The following RGS7BP variants were observed in gnomAD, a reference collection of about 807,000 sequenced individuals.
The protein encoded by RGS7BP is regulator of G protein signaling 7-binding protein.
In RGS7BP, 9 loss-of-function variants were observed where a neutral mutation model predicts 31.3. The observed-to-expected ratio is 0.29, with a 90% CI of 0.17 to 0.50. The LOEUF (loss-of-function observed/expected upper bound fraction) is 0.50. RGS7BP is among the 20% of genes least tolerant of loss of function. RGS7BP has a pLI of 0.98. For missense variants in RGS7BP, 274 were observed against 322.0 expected (o/e 0.85, Z 1.14); for synonymous variants, 115 against 120.1 (o/e 0.96, Z 0.28).
At chr5:64,523,775 C>A (rs1749167049) in intron 2 of RGS7BP, among the ~76,000 whole-genome samples, 1 of 152,210 alleles carries the variant, frequency 6.6e-6, no homozygotes, top group African/African-American at 2.4e-5. Flanking sequence ...TTACACCTTT[C>A]TGGAATTGAA....
At chr5:64,507,933 G>A (rs1287624504) in intron 2 of RGS7BP, 56 bp downstream of exon 2, 2 of 1,421,906 alleles carry the variant, frequency 1.4e-6, no homozygotes. Flanking sequence ...GATGCTGACA[G>A]AATTTTATGG....
At chr5:64,526,092 G>T (rs1203461302) in intron 2 of RGS7BP, among the ~76,000 whole-genome samples, 1 of 152,170 alleles carries the variant, frequency 6.6e-6, no homozygotes. Context: ...AGGGAAGAAG[G>T]CTTTATTATA....
chr5:64,546,823 A>C (rs1363636239), intron 2 of RGS7BP, among the ~76,000 whole-genome samples: 2 of 152,202 alleles, frequency 1.3e-5, no homozygotes, highest in African/African-American at 2.4e-5. Context: ...ATCTATGTAT[A>C]TAGTTCATTT....
intron 2 of RGS7BP, among the ~76,000 whole-genome samples, chr5:64,551,415 A>G (rs936642062): frequency 4.6e-5 from 7 of 151,578 alleles, no homozygotes; most frequent in Admixed American, 3.3e-4. Flanking sequence ...GATGTGTGCC[A>G]TGACGCCTGC....
In RGS7BP at chr5:64,609,337, A is replaced by T; in HGVS notation, c.*85A>T. On this transcript the variant is annotated 3_prime_UTR_variant, in exon 6 of 6. Transcript: ENST00000334025. Reference sequence around the variant, plus strand: ...CTCCAGACAGCTGAACCACACAGTTATTGGTTTTTGACTATGTTTTCTATG... The same window carrying T: ...CTCCAGACAGCTGAACCACACAGTTTTTGGTTTTTGACTATGTTTTCTATG... The T allele has an allele frequency of 1.3e-6, 1 of 798,444 alleles. No homozygotes were observed. The highest frequency in any genetic ancestry group is 2.2e-6 in the Non-Finnish European group (1 of 445,250). The allele number at this position is 798,444 out of a possible 1,614,324, so 49.5% of individuals were successfully genotyped here.
intron 5 of RGS7BP, among the ~76,000 whole-genome samples, chr5:64,606,037 T>TAGAGAGAG (rs1300056145): frequency 1.7e-5 from 2 of 121,010 alleles, no homozygotes; most frequent in African/African-American, 6.1e-5. Context: ...TATATATATA[T>TAGAGAGAG]ATAGAGAGAG....
intron 2 of RGS7BP, among the ~76,000 whole-genome samples, chr5:64,560,637 A>T (rs1248090211): frequency 1.3e-5 from 2 of 152,066 alleles, no homozygotes; most frequent in African/African-American, 2.4e-5. Flanking sequence ...CATGATATAC[A>T]AAATTTGAAG....
At chr5:64,547,373 A>C (rs1401293867) in intron 2 of RGS7BP, among the ~76,000 whole-genome samples, 1 of 152,218 alleles carries the variant, frequency 6.6e-6, no homozygotes, top group Non-Finnish European at 1.5e-5. Flanking sequence ...AATTCTTCTC[A>C]CCAAAGCTTG....
At chr5:64,584,840 CT>C (rs1190489279) in intron 3 of RGS7BP, among the ~76,000 whole-genome samples, 1 of 152,178 alleles carries the variant, frequency 6.6e-6, no homozygotes, top group Non-Finnish European at 1.5e-5. Context: ...CTAAGAATAT[CT>C]TCTTACCACA....
At chr5:64,529,896 T>C (rs1474689698) in intron 2 of RGS7BP, among the ~76,000 whole-genome samples, 1 of 152,254 alleles carries the variant, frequency 6.6e-6, no homozygotes, top group Non-Finnish European at 1.5e-5. Flanking sequence ...CTTCCATTTA[T>C]GGCTACTTAA....
At chr5:64,517,800 T>TA (rs1457326393) in intron 2 of RGS7BP, among the ~76,000 whole-genome samples, 71 of 152,328 alleles carry the variant, frequency 4.7e-4, no homozygotes, top group Non-Finnish European at 5.9e-5. Context: ...GACTTAAGTA[T>TA]AATTTTCACA....
rs1176722969 is a variant in RGS7BP, at chr5:64,566,981, G to A, written c.333-8793G>A. Among the ~76,000 whole-genome samples, 4 of 149,050 alleles carry A rather than the reference G, an allele frequency of 2.7e-5. No homozygotes were observed. The South Asian group carries it at 8.6e-4, about 32-fold the overall frequency. On this transcript the variant is annotated intron_variant, in intron 2 of 5. Coordinates refer to ENST00000334025, the MANE Select transcript of RGS7BP (RefSeq NM_001029875.3). Reference sequence around the variant, plus strand: ...TCTCAAGCAAAGCTATCTTCAGTAGGGAATTTCCCCTACTGAGAACAGATA... The same window carrying A: ...TCTCAAGCAAAGCTATCTTCAGTAGAGAATTTCCCCTACTGAGAACAGATA...
At chr5:64,565,474 A>G (rs1742146893) in intron 2 of RGS7BP, among the ~76,000 whole-genome samples, 1 of 152,152 alleles carries the variant, frequency 6.6e-6, no homozygotes, top group Admixed American at 6.5e-5. Context: ...TCTGCATAAA[A>G]GTTCTGTTTA....
chr5:64,529,847 C>T (rs966259555), intron 2 of RGS7BP, among the ~76,000 whole-genome samples: 2 of 152,176 alleles, frequency 1.3e-5, no homozygotes, highest in Non-Finnish European at 2.9e-5. Context: ...TTTTCACAAC[C>T]TTCCTTTAGT....
chr5:64,550,975 A>G (rs1350118877), intron 2 of RGS7BP, among the ~76,000 whole-genome samples: 2 of 151,888 alleles, frequency 1.3e-5, no homozygotes, highest in African/African-American at 4.9e-5. Flanking sequence ...TAATATATTA[A>G]AAATGAAGTG....
At position 64,507,778 on chromosome 5, in the gene RGS7BP, C is replaced by T. The variant is rs1748735471; in HGVS notation, c.233C>T (p.Ser78Leu). 3 of 1,613,810 alleles carry T rather than the reference C, an allele frequency of 1.9e-6. No homozygotes were observed. The highest frequency in any genetic ancestry group is 2.2e-5 in the East Asian group (1 of 44,884). Residue 78 changes from serine to leucine, a missense_variant, in exon 2 of 6, where the codon TCG (serine) becomes TTG (leucine). Ser to Leu is a moderately radical substitution (Grantham distance 145). Around this residue, in one of 3 missense-constraint regions of RGS7BP, gnomAD observed 149 missense variants for 152.6 expected, o/e 0.98. Transcript: ENST00000334025. ...CTGGTCATTTCTATTGGGGATGTCT[C>T]GGTCAGCTGCCCCTCACTCCGGGCG... ...RELVISIGDV[S>L]VSCPSLRAEM... is the part of the protein sequence containing the mutation.
chr5:64,575,875 T>C lies in RGS7BP; in HGVS notation c.434T>C (p.Leu145Pro). ...YTTEMLKSIC[L>P]LGSLQFHRKG... ...ACAGAGATGCTAAAATCCATATGTC[T>C]GCTGGGGTCTCTTCAGTTTCATCGA... Residue 145 changes from leucine to proline, a missense_variant, in exon 3 of 6, where the codon CTG (leucine) becomes CCG (proline). Transcript: ENST00000334025. The C allele has an allele frequency of 6.2e-7, 1 of 1,612,938 alleles. No individual in the cohort carries two copies. The highest frequency in any genetic ancestry group is 8.5e-7 in the Non-Finnish European group (1 of 1,179,478).
At chr5:64,531,840 T>G (rs1460030812) in intron 2 of RGS7BP, among the ~76,000 whole-genome samples, 1 of 152,230 alleles carries the variant, frequency 6.6e-6, no homozygotes, top group African/African-American at 2.4e-5. Context: ...TTAGGTAATT[T>G]AGAGAACTCC....
At chr5:64,604,365 T>C (rs1312340489) in intron 5 of RGS7BP, among the ~76,000 whole-genome samples, 1 of 152,124 alleles carries the variant, frequency 6.6e-6, no homozygotes, top group Non-Finnish European at 1.5e-5. Flanking sequence ...CTCATAGCAA[T>C]GTATTCAGAT....
Sources: gnomAD v4.1 joint callset for allele counts (sites outside exome capture counted in the v4.1 genomes callset) on GRCh38, gnomAD v4.1.1 for gene constraint, gnomAD v4.1.1 regional missense constraint, MANE v1.5 for transcripts, NCBI Gene and HGNC (gene_info 2026-07-23, HGNC 2026-07-21) for gene names.